The following PLEKHA7 variants were observed in gnomAD, a reference collection of about 807,000 sequenced individuals.
The protein encoded by PLEKHA7 is pleckstrin homology domain-containing family A member 7.
In PLEKHA7, 104 loss-of-function variants were observed where a neutral mutation model predicts 170.0. The ratio of observed to expected loss-of-function variants is 0.61; its 90% confidence interval spans 0.52 to 0.72. The LOEUF is 0.72. Ranked by LOEUF, PLEKHA7 falls within the 30% of genes least tolerant of loss-of-function variation. The pLI, the probability that PLEKHA7 is intolerant of heterozygous loss-of-function variation, is 0.00. For synonymous variants in PLEKHA7, 648 were observed against 660.8 expected, an observed-to-expected ratio of 0.98 and a Z score of 0.30; for missense variants, 1,615 against 1,671.7, an observed-to-expected ratio of 0.97 and a Z score of 0.59.
Position 16,826,548 on chromosome 11 carries a change from G to T in PLEKHA7, c.915C>A (p.Asn305Lys). The T allele has an allele frequency of 6.2e-7, 1 of 1,614,100 alleles. No homozygotes were observed. Among genetic ancestry groups the T allele is most frequent in the Non-Finnish European group, 8.5e-7 (1 of 1,180,038 alleles). The part of the protein sequence containing the change: ...KVERQAVPQA[N>K]HTESCHECGR... ...CACATTCGTGACAGGACTCTGTGTG[G>T]TTGGCCTGGGGGACAGCCTGCCGCT... Residue 305 changes from asparagine to lysine, a missense_variant, in exon 10 of 27, where the codon AAC becomes AAA. Transcript: ENST00000531066.
In PLEKHA7 at chr11:16,817,307, C is replaced by G. The variant is rs1383636552; in HGVS notation, c.1359G>C (p.Gln453His). 2 of 1,609,988 alleles carry G rather than the reference C, an allele frequency of 1.2e-6. No homozygotes were observed. Among genetic ancestry groups the G allele is most frequent in the Non-Finnish European group, 1.7e-6 (2 of 1,179,544 alleles). ...GGCCAGGACCCTGGCGAGGAAGCGTCTGGTCCAAGGGAAGACTGAGGAGAA... is the reference window on the plus strand; with the variant it reads ...GGCCAGGACCCTGGCGAGGAAGCGTGTGGTCCAAGGGAAGACTGAGGAGAA... ...KGDSRSLPLD[Q>H]TLPRQGPGQS... Residue 453 changes from glutamine to histidine, a missense_variant, in exon 11 of 27, where the codon CAG becomes CAC. By Grantham distance (24) the Gln-to-His change is conservative (BLOSUM62 0). Transcript: ENST00000531066. This position sits in a 1 kb window ranked among gnomAD's most constrained non-coding sequence, Gnocchi z 4.4.
intron 26 of PLEKHA7, among the ~76,000 whole-genome samples, chr11:16,782,160 G>GACGGAC (rs1554909684): frequency 2.3e-4 from 18 of 76,882 alleles, no homozygotes; most frequent in African/African-American, 7.0e-4. Flanking sequence ...GAGACACACG[G>GACGGAC]ACACACACAC....
chr11:16,910,711 A>G (rs965027034), intron 3 of PLEKHA7, among the ~76,000 whole-genome samples: 3 of 152,230 alleles, frequency 2.0e-5, no homozygotes, highest in African/African-American at 4.8e-5. Flanking sequence ...ATGCTGCTGA[A>G]CAGCCTGCAA....
intron 19 of PLEKHA7, among the ~76,000 whole-genome samples, chr11:16,793,934 T>C (rs1247207687): frequency 6.6e-6 from 1 of 151,358 alleles, no homozygotes; most frequent in Admixed American, 6.6e-5. Context: ...TGAGCAAATG[T>C]CAACAATTTA....
At chr11:16,875,926 A>G (rs191951769) in intron 3 of PLEKHA7, among the ~76,000 whole-genome samples, 1 of 152,248 alleles carries the variant, frequency 6.6e-6, no homozygotes, top group East Asian at 1.9e-4. Context: ...TAAGGTCCCT[A>G]AAGAACGGTG....
intron 3 of PLEKHA7, among the ~76,000 whole-genome samples, chr11:17,010,854 T>C (rs755447132): frequency 2.0e-5 from 3 of 152,006 alleles, no homozygotes; most frequent in Admixed American, 6.6e-5. Flanking sequence ...GTAAAACATT[T>C]TTCATGTGGG....
At chr11:16,858,578 C>T (rs1335765287) in intron 4 of PLEKHA7, among the ~76,000 whole-genome samples, 1 of 151,764 alleles carries the variant, frequency 6.6e-6, no homozygotes, top group Non-Finnish European at 1.5e-5. Flanking sequence ...CTGCAACCTC[C>T]GCCTCCCAGG....
intron 3 of PLEKHA7, among the ~76,000 whole-genome samples, chr11:16,881,997 A>G (rs1324629186): frequency 1.3e-5 from 2 of 152,206 alleles, no homozygotes; most frequent in Non-Finnish European, 2.9e-5. Flanking sequence ...CCAGGCACCA[A>G]AGTGAAAGAT....
rs574756683 is a variant in PLEKHA7 at position 16,971,883 on chromosome 11, G to C, written c.221+42106C>G. On this transcript the variant is annotated intron_variant, in intron 3 of 26. Coordinates refer to ENST00000531066, the MANE Select transcript of PLEKHA7 (RefSeq NM_001329630.2). ...CTGTCCTCTAGGCTGGAGTGCAGTGGCACCATCTCAGCTTACTGCAACCTC... is the reference window on the plus strand; with the variant it reads ...CTGTCCTCTAGGCTGGAGTGCAGTGCCACCATCTCAGCTTACTGCAACCTC... Among the ~76,000 whole-genome samples, 3 of 152,160 alleles carry C rather than the reference G, an allele frequency of 2.0e-5. No homozygotes were observed. In the East Asian group the frequency reaches 5.8e-4, roughly 29 times the overall value.
At chr11:17,012,086 G>A (rs980967869) in intron 3 of PLEKHA7, among the ~76,000 whole-genome samples, 1 of 152,198 alleles carries the variant, frequency 6.6e-6, no homozygotes, top group Admixed American at 6.5e-5. Flanking sequence ...CTGCCTGGAA[G>A]AGGGCAACAG....
intron 3 of PLEKHA7, among the ~76,000 whole-genome samples, chr11:16,898,551 A>G (rs1231131814): frequency 6.6e-6 from 1 of 152,214 alleles, no homozygotes; most frequent in African/African-American, 2.4e-5. Flanking sequence ...TTCAAGAAGA[A>G]GCAAGGCTGA....
chr11:16,833,041 C>T (rs992303102), intron 9 of PLEKHA7, among the ~76,000 whole-genome samples: 1 of 152,210 alleles, frequency 6.6e-6, no homozygotes, highest in Non-Finnish European at 1.5e-5. Flanking sequence ...TGAATGAGTT[C>T]CTAGCATTTG....
intron 3 of PLEKHA7, among the ~76,000 whole-genome samples, chr11:16,904,257 C>T (rs1857515855): frequency 6.6e-6 from 1 of 152,310 alleles, no homozygotes; most frequent in African/African-American, 2.4e-5. Context: ...TGCTCTGTAC[C>T]CATCCATTGG....
At chr11:16,825,491 G>A (rs1006802280) in intron 10 of PLEKHA7, among the ~76,000 whole-genome samples, 1 of 152,226 alleles carries the variant, frequency 6.6e-6, no homozygotes, top group East Asian at 1.9e-4. Context: ...AGTGGCTTCT[G>A]GGGACAACGG....
chr11:16,972,581 TTTC>T (rs2136729700), intron 3 of PLEKHA7, among the ~76,000 whole-genome samples: 1 of 152,146 alleles, frequency 6.6e-6, no homozygotes, highest in African/African-American at 2.4e-5. Flanking sequence ...TGGCTATTTT[TTTC>T]TTTTTTTTCA....
At chr11:16,916,337 G>A (rs1057011947) in intron 3 of PLEKHA7, among the ~76,000 whole-genome samples, 1 of 152,012 alleles carries the variant, frequency 6.6e-6, no homozygotes, top group Non-Finnish European at 1.5e-5. Context: ...TAGTTTCTTT[G>A]GCTGTGCAGA....
At chr11:16,921,098 T>TTTG (rs879280200) in intron 3 of PLEKHA7, among the ~76,000 whole-genome samples, 2 of 152,224 alleles carry the variant, frequency 1.3e-5, no homozygotes, top group Admixed American at 1.3e-4. Flanking sequence ...AGGGCGTTTT[T>TTTG]TTGTTGTTGT....
Position 16,817,124 on chromosome 11 carries a change from C to T in PLEKHA7, c.1542G>A (p.Ala514=), listed in dbSNP as rs141114512. The T allele has an allele frequency of 1.4e-4, 226 of 1,614,156 alleles. 2 individuals are homozygous for T. In the African/African-American group the frequency reaches 2.6e-3, roughly 19 times the overall value. The part of the protein sequence containing the change: ...HLKMSSEERR[A]HRDGTVWQLY... ...GCTGCCACACGGTGCCATCCCGGTG[C>T]GCCCGGCGCTCTTCACTCGACATCT... Residue 514 remains alanine, a synonymous_variant, in exon 11 of 27, where the codon GCG becomes GCA. Transcript: ENST00000531066. The surrounding 1 kb of genome is among the most constrained non-coding windows in gnomAD (Gnocchi z 4.4).
intron 3 of PLEKHA7, among the ~76,000 whole-genome samples, chr11:16,934,199 G>A (rs1225659193): frequency 2.0e-5 from 3 of 152,130 alleles, no homozygotes; most frequent in African/African-American, 7.2e-5. Context: ...AGCCCATCAG[G>A]GTATGAGGTC....
Sources: gnomAD v4.1 joint callset for allele counts (sites outside exome capture counted in the v4.1 genomes callset) on GRCh38, gnomAD v4.1.1 for gene constraint, Gnocchi (gnomAD v3.1) non-coding constraint, MANE v1.5 for transcripts, NCBI Gene and HGNC (gene_info 2026-07-23, HGNC 2026-07-21) for gene names.